Variants in ATG7 observed in about 807,000 individuals in gnomAD.
ATG7 encodes ubiquitin-like modifier-activating enzyme ATG7.
A neutral mutation model predicts 82.4 loss-of-function variants in ATG7; 70 were observed. The ratio of observed to expected loss-of-function variants is 0.85; its 90% confidence interval spans 0.70 to 1.04. The LOEUF is 1.04. Among genes scored for constraint, ATG7 ranks in the 50% least tolerant of loss-of-function variants. The pLI is 0.00. For missense variants in ATG7, 792 were observed against 864.3 expected, an observed-to-expected ratio of 0.92 and a Z score of 1.05; for synonymous variants, 287 against 313.0, an observed-to-expected ratio of 0.92 and a Z score of 0.88.
intron 19 of ATG7, among the ~76,000 whole-genome samples, chr3:11,384,781 T>C (rs570686368): frequency 6.6e-6 from 1 of 152,156 alleles, no homozygotes; most frequent in South Asian, 2.1e-4. Context: ...GGTAACATGG[T>C]GAAATCCTGC....
intron 13 of ATG7, among the ~76,000 whole-genome samples, chr3:11,347,237 A>G (rs896463801): frequency 6.6e-6 from 1 of 152,250 alleles, no homozygotes; most frequent in African/African-American, 2.4e-5. Flanking sequence ...CAAGGATTTT[A>G]GAGATCCCAT....
At chr3:11,524,716 G>A (rs970823011) in intron 20 of ATG7, among the ~76,000 whole-genome samples, 2 of 152,186 alleles carry the variant, frequency 1.3e-5, no homozygotes, top group Non-Finnish European at 2.9e-5. Flanking sequence ...GAGCCCACAA[G>A]TTGGAGGCTG....
chr3:11,570,213 G>A, the ATG7 span, among the ~76,000 whole-genome samples: 147 of 152,054 alleles, frequency 9.7e-4, no homozygotes, highest in African/African-American at 3.2e-3. Context: ...GGCATCAGCC[G>A]CTCAGGGTCG....
intron 14 of ATG7, among the ~76,000 whole-genome samples, chr3:11,357,355 A>C (rs910510990): frequency 6.6e-6 from 1 of 152,176 alleles, no homozygotes; most frequent in Admixed American, 6.5e-5. Flanking sequence ...CATATAAAAA[A>C]TCCCAATTCA....
intron 1 of ATG7, 89 bp downstream of exon 1, chr3:11,272,519 G>C (rs1940662643): frequency 6.6e-6 from 1 of 152,664 alleles, no homozygotes; most frequent in Non-Finnish European, 1.5e-5. Context: ...TCGCCAGGGA[G>C]GGCGAGGGTC....
the ATG7 span, among the ~76,000 whole-genome samples, chr3:11,569,379 C>T: frequency 1.3e-5 from 2 of 152,210 alleles, no homozygotes; most frequent in South Asian, 2.1e-4. Flanking sequence ...CATGGCATGG[C>T]AGGTGCTCCC....
At chr3:11,313,715 A>G (rs1373785109) in intron 8 of ATG7, among the ~76,000 whole-genome samples, 1 of 152,136 alleles carries the variant, frequency 6.6e-6, no homozygotes, top group Non-Finnish European at 1.5e-5. Flanking sequence ...TGATCCTCTC[A>G]TCTCAGCCTC....
intron 20 of ATG7, among the ~76,000 whole-genome samples, chr3:11,457,455 CTCT>C (rs1407313429): frequency 6.6e-6 from 1 of 152,150 alleles, no homozygotes. Flanking sequence ...TAACTGGAGT[CTCT>C]TCTTGGGGCA....
chr3:11,290,992 T>A (rs918291619), intron 3 of ATG7, among the ~76,000 whole-genome samples: 2 of 152,192 alleles, frequency 1.3e-5, no homozygotes, highest in Admixed American at 6.5e-5. Context: ...ATGTCTGTTA[T>A]CTTTTAAGTA....
At chr3:11,354,831 CA>C (rs1252971026) in intron 14 of ATG7, among the ~76,000 whole-genome samples, 1 of 152,064 alleles carries the variant, frequency 6.6e-6, no homozygotes, top group Non-Finnish European at 1.5e-5. Context: ...AGACAGTGAA[CA>C]GTAGGTAGTG....
At chr3:11,528,180 G>A (rs560790101) in intron 20 of ATG7, among the ~76,000 whole-genome samples, 1 of 152,226 alleles carries the variant, frequency 6.6e-6, no homozygotes, top group African/African-American at 2.4e-5. Flanking sequence ...ACGGGGCAAG[G>A]TTTTCTGCAC....
At chr3:11,357,014 G>A (rs1391389921) in intron 14 of ATG7, among the ~76,000 whole-genome samples, 1 of 151,824 alleles carries the variant, frequency 6.6e-6, no homozygotes, top group Non-Finnish European at 1.5e-5. Flanking sequence ...CCAGAGATTA[G>A]GTTTAAAGTT....
intron 18 of ATG7, among the ~76,000 whole-genome samples, chr3:11,372,460 C>T (rs1026958364): frequency 6.7e-6 from 1 of 150,348 alleles, no homozygotes; most frequent in African/African-American, 2.5e-5. Flanking sequence ...TTAAAATCAC[C>T]TTTTTCAAGA....
chr3:11,362,286 T>C (rs541296910), intron 16 of ATG7, among the ~76,000 whole-genome samples: 2 of 152,306 alleles, frequency 1.3e-5, no homozygotes, highest in East Asian at 3.9e-4. Context: ...ATACTTGTAG[T>C]AAACCCTAGA....
At chr3:11,377,624 A>G (rs1419685868) in intron 18 of ATG7, among the ~76,000 whole-genome samples, 1 of 152,264 alleles carries the variant, frequency 6.6e-6, no homozygotes, top group Non-Finnish European at 1.5e-5. Flanking sequence ...AGAAAACAGC[A>G]TGCAGAAACC....
At chr3:11,348,306 C>T (rs1049194916) in intron 14 of ATG7, 12 of 387,350 alleles carry the variant, frequency 3.1e-5, no homozygotes, top group Non-Finnish European at 5.2e-5. Flanking sequence ...AGAATGAAGC[C>T]GCGGACCTTC....
At chr3:11,522,293 A>G (rs547084564) in intron 20 of ATG7, among the ~76,000 whole-genome samples, 1 of 152,302 alleles carries the variant, frequency 6.6e-6, no homozygotes, top group Admixed American at 6.5e-5. Flanking sequence ...TTGATGGAGT[A>G]TCAGGGAACT....
chr3:11,347,908 A>T lies in ATG7; in HGVS notation c.1157A>T (p.Asp386Val), dbSNP rs760066472. 1.2e-6 allele frequency: 2 copies of T among 1,614,108 alleles called. No individual in the cohort carries two copies. Among genetic ancestry groups the T allele is most frequent in the South Asian group, 2.2e-5 (2 of 91,076 alleles). ...GWGVRHITFV[D>V]NAKISYSNPV... is the part of the protein sequence containing the mutation. ...GGCGTGAGACACATCACATTTGTGGACAATGCCAAGATCTCCTACTCCAAT... is the reference window on the plus strand; with the variant it reads ...GGCGTGAGACACATCACATTTGTGGTCAATGCCAAGATCTCCTACTCCAAT... The change falls in exon 14 of 21, where the codon GAC (aspartate) becomes GTC (valine). Residue 386 changes from aspartate (D) to valine (V), a missense_variant. Transcript: ENST00000693202.
In ATG7 at chr3:11,320,614, C is replaced by A. The variant is rs148325345; in HGVS notation, c.678+5121C>A. On this transcript the variant is annotated intron_variant, in intron 9 of 20. Transcript: ENST00000693202. ...ATAATTTTACATTTTCTTGAGTGAT[C>A]TTTGATTAATATATTTTTCTCCCAT... is the stretch of plus-strand genomic sequence containing the variant. Among the ~76,000 whole-genome samples, 63 of 152,288 alleles carry A rather than the reference C, an allele frequency of 4.1e-4. 1 individual carries two copies. In the East Asian group the frequency reaches 0.011, roughly 27 times the overall value.
Sources: allele counts gnomAD v4.1 joint callset (sites outside exome capture counted in the v4.1 genomes callset), GRCh38; gene constraint gnomAD v4.1.1; transcripts MANE v1.5; gene names NCBI Gene and HGNC (gene_info 2026-07-23, HGNC 2026-07-21).